The following CHRNA7 variants were observed in gnomAD, a reference collection of about 807,000 sequenced individuals.
The protein encoded by CHRNA7 is cholinergic receptor nicotinic alpha 7 subunit.
A neutral mutation model predicts 48.0 loss-of-function variants in CHRNA7; 17 were observed. The observed-to-expected ratio is 0.35, with a 90% CI of 0.24 to 0.53. The LOEUF (loss-of-function observed/expected upper bound fraction) is 0.53, where lower values mean the gene tolerates loss of function less well. Among genes scored for constraint, CHRNA7 ranks in the 20% least tolerant of loss-of-function variants. The pLI, the probability that CHRNA7 is intolerant of heterozygous loss-of-function variation, is 0.92. For synonymous variants in CHRNA7, 75 were observed against 242.3 expected, an observed-to-expected ratio of 0.31 and a Z score of 6.41; for missense variants, 155 against 577.7, an observed-to-expected ratio of 0.27 and a Z score of 7.50.
chr15:32,096,786 A>T (rs1335218293), intron 2 of CHRNA7, among the ~76,000 whole-genome samples: 2 of 152,372 alleles, frequency 1.3e-5, no homozygotes, highest in Non-Finnish European at 2.9e-5. Context: ...CAGATAGACG[A>T]TTATTCAGAG....
At chr15:32,088,501 C>T (rs1440646869) in intron 2 of CHRNA7, among the ~76,000 whole-genome samples, 2 of 152,122 alleles carry the variant, frequency 1.3e-5, no homozygotes, top group Admixed American at 1.3e-4. Context: ...TTGTAAGAAA[C>T]CGCCAAATCG....
intron 4 of CHRNA7, among the ~76,000 whole-genome samples, chr15:32,147,233 A>G (rs764726669): frequency 6.6e-6 from 1 of 152,220 alleles, no homozygotes; most frequent in Admixed American, 6.5e-5. Flanking sequence ...AACAACAGAC[A>G]CTGGAGACTA....
intron 4 of CHRNA7, among the ~76,000 whole-genome samples, chr15:32,147,481 A>G (rs2051514726): frequency 1.3e-5 from 2 of 152,352 alleles, no homozygotes; most frequent in South Asian, 4.1e-4. Context: ...TGAGCCCAAG[A>G]GTTTGAGGCT....
At chr15:32,101,386 A>G in intron 3 of CHRNA7, 39 bp downstream of exon 3, 1 of 1,560,866 alleles carries the variant, frequency 6.4e-7, no homozygotes, top group Non-Finnish European at 8.6e-7. Context: ...ATGGGCTGCA[A>G]GATCTTGCAC....
chr15:32,067,156 A>G (rs2049979655), intron 2 of CHRNA7, among the ~76,000 whole-genome samples: 1 of 152,220 alleles, frequency 6.6e-6, no homozygotes, highest in Non-Finnish European at 1.5e-5. Flanking sequence ...GGTGAAAAAC[A>G]TTGATGTACA....
intron 4 of CHRNA7, among the ~76,000 whole-genome samples, chr15:32,124,721 G>C (rs908244129): frequency 6.6e-6 from 1 of 152,176 alleles, no homozygotes; most frequent in Non-Finnish European, 1.5e-5. Flanking sequence ...TCGAGAATTA[G>C]TATGTTGAAA....
intron 2 of CHRNA7, among the ~76,000 whole-genome samples, chr15:32,046,272 T>C (rs1413675881): frequency 4.0e-5 from 6 of 149,730 alleles, no homozygotes; most frequent in Non-Finnish European, 8.9e-5. Context: ...TGAACTAGTT[T>C]ACAGTCCCAC....
chr15:32,062,765 T>A (rs2049900077), intron 2 of CHRNA7, among the ~76,000 whole-genome samples: 1 of 152,186 alleles, frequency 6.6e-6, no homozygotes, highest in Non-Finnish European at 1.5e-5. Context: ...TTCCTCACAT[T>A]TGTTAATTTG....
At position 32,111,958 on chromosome 15, in the gene CHRNA7, C is replaced by T. The variant is rs558874562; in HGVS notation, c.350+59C>T. 3.3e-4 allele frequency: 330 copies of T among 988,484 alleles called. 3 individuals carry two copies. In the South Asian group the frequency reaches 3.8e-3, roughly 11 times the overall value. The allele number at this position is 988,484 out of a possible 1,614,324, so 61.2% of individuals were successfully genotyped here. ...TATGCTTGCATACATGTAGCTATCACGTATATTTGAATATTTCACAGAGAT... is the reference window on the plus strand; with the variant it reads ...TATGCTTGCATACATGTAGCTATCATGTATATTTGAATATTTCACAGAGAT... On this transcript the variant is annotated intron_variant, in intron 4 of 9. Transcript: ENST00000306901.
chr15:32,120,026 C>T (rs971816342), intron 4 of CHRNA7, among the ~76,000 whole-genome samples: 1 of 152,192 alleles, frequency 6.6e-6, no homozygotes, highest in Non-Finnish European at 1.5e-5. Flanking sequence ...TGGAGCCAAG[C>T]CCCCTTTACT....
chr15:32,131,398 C>T (rs370152814), intron 4 of CHRNA7, among the ~76,000 whole-genome samples: 29 of 151,962 alleles, frequency 1.9e-4, no homozygotes, highest in African/African-American at 5.5e-4. Context: ...TTTGTTGCTC[C>T]GATTGCATAA....
chr15:32,131,768 A>AT (rs536656567), intron 4 of CHRNA7, among the ~76,000 whole-genome samples: 3 of 152,034 alleles, frequency 2.0e-5, no homozygotes, highest in Non-Finnish European at 2.9e-5. Flanking sequence ...CATTTTGGGT[A>AT]TTATTGTTTG....
At chr15:32,047,311 T>C in intron 2 of CHRNA7, among the ~76,000 whole-genome samples, 1 of 149,910 alleles carries the variant, frequency 6.7e-6, no homozygotes, top group Non-Finnish European at 1.5e-5. Flanking sequence ...GAGCATAGAA[T>C]GTTCTTCCAT....
At chr15:32,068,579 T>C (rs1039134857) in intron 2 of CHRNA7, among the ~76,000 whole-genome samples, 1 of 151,874 alleles carries the variant, frequency 6.6e-6, no homozygotes, top group African/African-American at 2.4e-5. Context: ...TTACTACATC[T>C]CTACATGGTG....
intron 4 of CHRNA7, among the ~76,000 whole-genome samples, chr15:32,113,621 G>T (rs1318099796): frequency 3.9e-5 from 6 of 152,176 alleles, no homozygotes; most frequent in African/African-American, 1.4e-4. Flanking sequence ...CTCTGTGGAT[G>T]TGTGTAGCAC....
At chr15:32,035,567 G>A (rs1902045469) in intron 2 of CHRNA7, among the ~76,000 whole-genome samples, 1 of 152,210 alleles carries the variant, frequency 6.6e-6, no homozygotes, top group Non-Finnish European at 1.5e-5. Context: ...GGGCTGTGGA[G>A]CCCAGTATCC....
At chr15:32,148,944 C>T (rs1030932513) in intron 4 of CHRNA7, among the ~76,000 whole-genome samples, 1 of 152,170 alleles carries the variant, frequency 6.6e-6, no homozygotes, top group Non-Finnish European at 1.5e-5. Flanking sequence ...CCTCCTCCTA[C>T]CCCCGCTAAG....
chr15:32,092,362 A>C (rs920780875), intron 2 of CHRNA7, among the ~76,000 whole-genome samples: 7 of 152,224 alleles, frequency 4.6e-5, no homozygotes, highest in Admixed American at 6.5e-5. Context: ...TAATATAAAG[A>C]ACTCATGAGA....
chr15:32,081,966 T>G (rs1389562748), intron 2 of CHRNA7, among the ~76,000 whole-genome samples: 1 of 152,180 alleles, frequency 6.6e-6, no homozygotes, highest in Non-Finnish European at 1.5e-5. Context: ...TTTTGACCAA[T>G]ATATTTCACT....
Sources: gnomAD v4.1 joint callset for allele counts (sites outside exome capture counted in the v4.1 genomes callset) on GRCh38, gnomAD v4.1.1 for gene constraint, MANE v1.5 for transcripts, NCBI Gene and HGNC (gene_info 2026-07-23, HGNC 2026-07-21) for gene names.